The following PLCG2 variants were observed in gnomAD, a reference collection of about 807,000 sequenced individuals.
PLCG2 encodes the protein 1-phosphatidylinositol 4,5-bisphosphate phosphodiesterase gamma-2.
Under a neutral mutation model 175.6 loss-of-function variants are expected in PLCG2, and 69 were observed. That is an observed-to-expected ratio of 0.39 (90% CI 0.32 to 0.48). PLCG2 has a LOEUF of 0.48. PLCG2 is among the 20% of genes least tolerant of loss of function. The probability of loss-of-function intolerance (pLI) is 0.91; values close to 1 mark genes in which losing one functional copy is unlikely to be tolerated. For synonymous variants in PLCG2, 827 were observed against 624.0 expected, an observed-to-expected ratio of 1.33 and a Z score of -4.85; for missense variants, 1,798 against 1,650.9, an observed-to-expected ratio of 1.09 and a Z score of -1.54.
intron 7 of PLCG2, among the ~76,000 whole-genome samples, chr16:81,877,849 G>T (rs1364525414): frequency 6.6e-6 from 1 of 151,274 alleles, no homozygotes; most frequent in African/African-American, 2.4e-5. Context: ...TCCTTGGCTT[G>T]TAGATGTCAT....
intron 2 of PLCG2, among the ~76,000 whole-genome samples, chr16:81,792,882 A>G (rs1238485609): frequency 6.6e-6 from 1 of 152,178 alleles, no homozygotes; most frequent in Non-Finnish European, 1.5e-5. Context: ...GCCACTTACT[A>G]GAAGTGTGAC....
intron 9 of PLCG2, among the ~76,000 whole-genome samples, chr16:81,886,152 C>T (rs1018344882): frequency 6.6e-6 from 1 of 152,132 alleles, no homozygotes; most frequent in Non-Finnish European, 1.5e-5. Flanking sequence ...AATTCACCAC[C>T]TGGTAGGGAG....
intron 2 of PLCG2, among the ~76,000 whole-genome samples, chr16:81,758,046 G>C (rs145463271): frequency 1.5e-3 from 236 of 152,320 alleles, no homozygotes; most frequent in African/African-American, 5.5e-3. Flanking sequence ...TGTGATCTCA[G>C]CTCTCTGCAG....
At chr16:81,891,365 C>A in intron 10 of PLCG2, 107 bp from the exon 11 acceptor site, 1 of 725,988 alleles carries the variant, frequency 1.4e-6, no homozygotes, top group Non-Finnish European at 2.5e-6. Context: ...CTGTTGATTT[C>A]CCGCATCAGA....
At chr16:81,862,434 C>T (rs1907029150) in intron 5 of PLCG2, among the ~76,000 whole-genome samples, 1 of 152,208 alleles carries the variant, frequency 6.6e-6, no homozygotes, top group Non-Finnish European at 1.5e-5. Flanking sequence ...CTCTCAGACA[C>T]GTTTTCTATG....
intron 9 of PLCG2, among the ~76,000 whole-genome samples, chr16:81,888,557 A>T (rs547179548): frequency 6.6e-6 from 1 of 152,194 alleles, no homozygotes; most frequent in Non-Finnish European, 1.5e-5. Context: ...ATTTTATACA[A>T]TGCTTCATAC....
At chr16:81,904,545 G>A (rs114013114) in intron 14 of PLCG2, among the ~76,000 whole-genome samples, 14 of 152,328 alleles carry the variant, frequency 9.2e-5, no homozygotes, top group Non-Finnish European at 1.6e-4. Context: ...CACCCCGGTC[G>A]CCTTAGTCTA....
At chr16:81,897,864 C>T (rs1426851410) in intron 13 of PLCG2, 2 of 455,866 alleles carry the variant, frequency 4.4e-6, no homozygotes, top group Non-Finnish European at 8.8e-6. Context: ...ATTTTTATTG[C>T]ATTTACTGCA....
chr16:81,939,087 T>G (rs1910833966), intron 29 of PLCG2, among the ~76,000 whole-genome samples, 172 bp downstream of exon 29: 1 of 152,132 alleles, frequency 6.6e-6, no homozygotes, highest in Non-Finnish European at 1.5e-5. Context: ...AAGGGCCACT[T>G]TCTGAAATCC....
intron 2 of PLCG2, among the ~76,000 whole-genome samples, chr16:81,768,095 G>T (rs1910193441): frequency 6.6e-6 from 1 of 152,144 alleles, no homozygotes; most frequent in Non-Finnish European, 1.5e-5. Context: ...TCACCATGTT[G>T]ACCAGGCTGG....
At chr16:81,799,532 C>T (rs1220288662) in intron 2 of PLCG2, among the ~76,000 whole-genome samples, 1 of 152,152 alleles carries the variant, frequency 6.6e-6, no homozygotes, top group Non-Finnish European at 1.5e-5. Flanking sequence ...TCAAGAGATC[C>T]TCCCATCTTG....
At chr16:81,923,303 G>T in intron 21 of PLCG2, 182 bp from the exon 22 acceptor site, 1 of 555,466 alleles carries the variant, frequency 1.8e-6, no homozygotes, top group Non-Finnish European at 3.2e-6. Context: ...TTCACTCCCT[G>T]GTGGCTTTTT....
intron 31 of PLCG2, among the ~76,000 whole-genome samples, chr16:81,950,243 G>T (rs781086876): frequency 6.6e-6 from 1 of 152,118 alleles, no homozygotes; most frequent in African/African-American, 2.4e-5. Context: ...AAAACAAATA[G>T]GAATGGATGG....
intron 5 of PLCG2, among the ~76,000 whole-genome samples, chr16:81,863,632 AT>A (rs1204972955): frequency 6.6e-6 from 1 of 152,166 alleles, no homozygotes; most frequent in Non-Finnish European, 1.5e-5. Context: ...TGCTGGATTT[AT>A]TTTGCCGGAT....
intron 5 of PLCG2, among the ~76,000 whole-genome samples, chr16:81,865,235 ACT>A (rs1907170119): frequency 6.6e-6 from 1 of 151,782 alleles, no homozygotes; most frequent in Admixed American, 6.6e-5. Flanking sequence ...TGGGCGAGGC[ACT>A]CTCTGTAGGG....
intron 30 of PLCG2, 51 bp from the exon 31 acceptor site, chr16:81,946,124 G>A (rs761425476): frequency 1.1e-5 from 15 of 1,425,380 alleles, no homozygotes; most frequent in South Asian, 2.3e-5. Context: ...AAAAATCTAA[G>A]GTCTGACATT....
intron 24 of PLCG2, 92 bp from the exon 25 acceptor site, chr16:81,931,405 T>A (rs1305641092): frequency 1.6e-6 from 2 of 1,275,100 alleles, no homozygotes; most frequent in African/African-American, 2.9e-5. Context: ...TGGTGGTTGG[T>A]CCATGAGAGA....
intron 5 of PLCG2, among the ~76,000 whole-genome samples, chr16:81,859,603 C>G (rs906590130): frequency 2.0e-5 from 3 of 151,748 alleles, no homozygotes; most frequent in African/African-American, 2.4e-5. Flanking sequence ...GGCATGATCT[C>G]AGCTCACTGC....
chr16:81,879,101 T>C (rs1432927887), intron 7 of PLCG2, among the ~76,000 whole-genome samples: 2 of 152,080 alleles, frequency 1.3e-5, no homozygotes, highest in Non-Finnish European at 1.5e-5. Flanking sequence ...GCGGGCTTTT[T>C]CTGTGCTTTG....
Sources: allele counts gnomAD v4.1 joint callset (sites outside exome capture counted in the v4.1 genomes callset), GRCh38; gene constraint gnomAD v4.1.1; transcripts MANE v1.5; gene names NCBI Gene and HGNC (gene_info 2026-07-23, HGNC 2026-07-21).